The following PLA2G6 variants were observed in gnomAD, a reference collection of about 807,000 sequenced individuals.
PLA2G6 encodes phospholipase A2 group VI, also known as 85/88 kDa calcium-independent phospholipase A2.
Under a neutral mutation model 83.8 loss-of-function variants are expected in PLA2G6, and 62 were observed. The ratio of observed to expected loss-of-function variants is 0.74; its 90% CI spans 0.60 to 0.91. The LOEUF (loss-of-function observed/expected upper bound fraction) is 0.91. PLA2G6 is among the 40% of genes least tolerant of loss of function. PLA2G6 has a pLI of 0.00. For missense variants in PLA2G6, 944 were observed against 1,102.0 expected, an observed-to-expected ratio of 0.86 and a Z score of 2.03; for synonymous variants, 417 against 449.8, an observed-to-expected ratio of 0.93 and a Z score of 0.92.
chr22:38,115,411 G>A (rs1365076795), intron 14 of PLA2G6, 116 bp downstream of exon 14: 6 of 851,072 alleles, frequency 7.0e-6, no homozygotes, highest in Non-Finnish European at 1.2e-5. Flanking sequence ...ACATATGAAT[G>A]AGTGCGTGTG....
At chr22:38,163,938 A>G (rs1025029814) in intron 2 of PLA2G6, among the ~76,000 whole-genome samples, 1 of 152,100 alleles carries the variant, frequency 6.6e-6, no homozygotes, top group Non-Finnish European at 1.5e-5. Flanking sequence ...GTCCCAGTCC[A>G]GAGAGCCTCA....
At chr22:38,138,643 CA>C (rs1362324313) in intron 5 of PLA2G6, 2 of 152,220 alleles carry the variant, frequency 1.3e-5, no homozygotes, top group Non-Finnish European at 2.9e-5. Context: ...TTGGCTCATT[CA>C]TTCATTCTAG....
intron 2 of PLA2G6, among the ~76,000 whole-genome samples, chr22:38,162,816 G>T (rs184388095): frequency 1.5e-4 from 23 of 152,264 alleles, no homozygotes; most frequent in Admixed American, 1.3e-3. Flanking sequence ...GACTGGGAGA[G>T]AAAACTCTCA....
Position 38,123,669 on chromosome 22 carries a change from T to C in PLA2G6, c.1428-411A>G, listed in dbSNP as rs557208229. On this transcript the variant is annotated intron_variant, in intron 10 of 16. Coordinates refer to ENST00000332509, the MANE Select transcript of PLA2G6 (RefSeq NM_003560.4). The surrounding 1 kb of genome is among the most constrained non-coding windows in gnomAD (Gnocchi z 4.1). ...GGGGACCCTACAGCCAGGCCAGGAATGGGCAGTGACAGAGTATCAGGGCCT... is the reference window on the plus strand; with the variant it reads ...GGGGACCCTACAGCCAGGCCAGGAACGGGCAGTGACAGAGTATCAGGGCCT... Among the ~76,000 whole-genome samples, 65 of 151,276 alleles carry C rather than the reference T, an allele frequency of 4.3e-4. No homozygotes were observed. Among genetic ancestry groups the C allele is most frequent in the Non-Finnish European group, 8.0e-4 (54 of 67,810 alleles).
intron 1 of PLA2G6, among the ~76,000 whole-genome samples, chr22:38,175,809 A>G (rs943107797): frequency 1.3e-5 from 2 of 151,698 alleles, no homozygotes; most frequent in Admixed American, 1.3e-4. Context: ...TGCTCACCCA[A>G]CCCGCTTTGA....
chr22:38,150,678 T>A (rs577964699), intron 2 of PLA2G6: 5 of 152,274 alleles, frequency 3.3e-5, no homozygotes, highest in Admixed American at 1.3e-4. Context: ...GAGGAAATAT[T>A]TAAAATAGCA....
intron 2 of PLA2G6, among the ~76,000 whole-genome samples, chr22:38,166,120 G>T (rs132974): frequency 0.12 from 17,674 of 152,172 alleles, 1,246 homozygotes; most frequent in African/African-American, 0.18. Flanking sequence ...CGACTGGCAC[G>T]TGGCTGTCTG....
In PLA2G6 at chr22:38,140,135, T is replaced by C. The variant is rs2088812942; in HGVS notation, c.644A>G (p.Gln215Arg). ...LGRNAVAGLNQVNNQGLTPLH... is the reference protein window; with the variant it reads ...LGRNAVAGLNRVNNQGLTPLH... Reference sequence around the variant, plus strand: ...CGGGGTCAGCCCTTGGTTATTCACCTGGTTCAGGCCAGCCACTGCGTTCCT... The same window carrying C: ...CGGGGTCAGCCCTTGGTTATTCACCCGGTTCAGGCCAGCCACTGCGTTCCT... The change falls in exon 5 of 17, where the codon CAG becomes CGG. Residue 215 changes from glutamine (Q) to arginine (R), a missense_variant. Transcript: ENST00000332509. The C allele has an allele frequency of 6.2e-7, 1 of 1,614,160 alleles. No individual in the cohort carries two copies. The highest frequency in any genetic ancestry group is 2.2e-5 in the East Asian group (1 of 44,888).
At chr22:38,173,257 C>T (rs1008804384) in intron 1 of PLA2G6, among the ~76,000 whole-genome samples, 4 of 152,200 alleles carry the variant, frequency 2.6e-5, no homozygotes, top group South Asian at 4.1e-4. Context: ...CTTCTCACAG[C>T]GTCCTACCCT....
chr22:38,126,651 G>A (rs766500088), intron 9 of PLA2G6: 2 of 598,814 alleles, frequency 3.3e-6, no homozygotes, highest in Non-Finnish European at 6.1e-6. Flanking sequence ...GAGAGAAATG[G>A]GCTGGAGTGG....
Position 38,132,994 on chromosome 22 carries a change from T to C in PLA2G6, c.914A>G (p.Lys305Arg). 1 of 1,566,534 alleles carries C rather than the reference T, an allele frequency of 6.4e-7. No individual in the cohort carries two copies. Among genetic ancestry groups the C allele is most frequent in the Non-Finnish European group, 8.6e-7 (1 of 1,156,486 alleles). ...GGTGCTGTTCACGTTGCAGCCCCGTTTCAGCAGCATGCGGGCCATCTGCGG... is the reference window on the plus strand; with the variant it reads ...GGTGCTGTTCACGTTGCAGCCCCGTCTCAGCAGCATGCGGGCCATCTGCGG... ...KNAEMARMLLKRGCNVNSTSS... is the reference protein window; with the variant it reads ...KNAEMARMLLRRGCNVNSTSS... Residue 305 changes from lysine to arginine, a missense_variant, in exon 7 of 17, where the codon AAA becomes AGA. Transcript: ENST00000332509. This position sits in a 1 kb window ranked among gnomAD's most constrained non-coding sequence, Gnocchi z 5.0.
intron 2 of PLA2G6, among the ~76,000 whole-genome samples, chr22:38,157,971 G>A (rs1303630018): frequency 6.6e-6 from 1 of 151,712 alleles, no homozygotes; most frequent in Non-Finnish European, 1.5e-5. Context: ...AGGAGGTGGA[G>A]GTTGCAGTGA....
In PLA2G6 at chr22:38,134,969, C is replaced by CCCCAAAAGGA; in HGVS notation, c.894+18_894+19insTCCTTTTGGG. On this transcript the variant is annotated intron_variant, in intron 6 of 16. Transcript: ENST00000332509. ...GGCCCGGCCCCCTGCCCCACCCACC[C>CCCCAAAAGGA]ACCTCAGGATCCACTCACCTCTGCG... 1 of 1,415,014 alleles carries CCCCAAAAGGA rather than the reference C, an allele frequency of 7.1e-7. No homozygotes were observed. Among genetic ancestry groups the CCCCAAAAGGA allele is most frequent in the Non-Finnish European group, 1.0e-6 (1 of 1,001,090 alleles). 87.7% of individuals were successfully genotyped at this position (1,415,014 alleles called of 1,614,324 possible).
intron 1 of PLA2G6, among the ~76,000 whole-genome samples, chr22:38,177,163 G>A (rs1038541770): frequency 3.3e-5 from 5 of 152,106 alleles, no homozygotes; most frequent in Non-Finnish European, 7.4e-5. Flanking sequence ...GCCTGCCTAT[G>A]TCCTCTGACT....
chr22:38,175,332 T>C (rs1419031056), intron 1 of PLA2G6, among the ~76,000 whole-genome samples: 1 of 152,026 alleles, frequency 6.6e-6, no homozygotes, highest in Non-Finnish European at 1.5e-5. Flanking sequence ...CCATGCCCAC[T>C]GTACGATGCA....
intron 12 of PLA2G6, 167 bp from the exon 13 acceptor site, chr22:38,116,378 G>T (rs563618596): frequency 5.0e-6 from 4 of 797,216 alleles, no homozygotes; most frequent in Non-Finnish European, 8.7e-6. Context: ...GGCTCTCTCC[G>T]GCAGTGCTGG....
chr22:38,127,335 G>A (rs2145742523), intron 9 of PLA2G6: 10 of 1,299,204 alleles, frequency 7.7e-6, no homozygotes, highest in Non-Finnish European at 1.0e-5. Context: ...AAGAAGGACG[G>A]ATTAGGGAGT....
At chr22:38,125,015 G>A (rs2087751766) in intron 10 of PLA2G6, among the ~76,000 whole-genome samples, 1 of 152,226 alleles carries the variant, frequency 6.6e-6, no homozygotes, top group African/African-American at 2.4e-5. Context: ...AGGGTTCTGA[G>A]GCTCCAGAAT....
At chr22:38,160,752 G>A (rs542520091) in intron 2 of PLA2G6, among the ~76,000 whole-genome samples, 2 of 152,288 alleles carry the variant, frequency 1.3e-5, no homozygotes, top group African/African-American at 4.8e-5. Flanking sequence ...GGCTGAGGCA[G>A]GAGAATGGCG....
Sources: allele counts gnomAD v4.1 joint callset (sites outside exome capture counted in the v4.1 genomes callset), GRCh38; gene constraint gnomAD v4.1.1; non-coding constraint Gnocchi (gnomAD v3.1); transcripts MANE v1.5; gene names NCBI Gene and HGNC (gene_info 2026-07-23, HGNC 2026-07-21).